Variants in DNMBP observed in about 807,000 individuals in gnomAD.
DNMBP encodes the protein dynamin-binding protein.
DNMBP carries 87 observed loss-of-function variants against 150.0 expected under a neutral mutation model. That is an observed-to-expected ratio of 0.58 (90% CI 0.49 to 0.69). The LOEUF is 0.69. Ranked by LOEUF, DNMBP falls within the 30% of genes least tolerant of loss-of-function variation. The pLI, the probability that DNMBP is intolerant of heterozygous loss-of-function variation, is 0.00. For missense variants in DNMBP, 1,774 were observed against 1,949.0 expected (o/e 0.91, Z 1.69); for synonymous variants, 711 against 750.4 (o/e 0.95, Z 0.86).
intron 8 of DNMBP, 91 bp from the exon 9 acceptor site, chr10:99,898,376 T>C: frequency 9.9e-7 from 1 of 1,010,000 alleles, no homozygotes; most frequent in Non-Finnish European, 1.5e-6. Flanking sequence ...AAAAAAAACT[T>C]TTTTTTAACA....
intron 1 of DNMBP, among the ~76,000 whole-genome samples, chr10:99,994,900 T>C (rs1310651963): frequency 6.6e-6 from 1 of 152,056 alleles, no homozygotes; most frequent in Non-Finnish European, 1.5e-5. Flanking sequence ...CACACCCAAC[T>C]AGGATTATCT....
intron 1 of DNMBP, among the ~76,000 whole-genome samples, chr10:99,992,442 T>C (rs963539833): frequency 2.6e-5 from 4 of 151,916 alleles, no homozygotes; most frequent in African/African-American, 7.3e-5. Context: ...GGTTTAATAA[T>C]AGAACCTGGC....
intron 4 of DNMBP, chr10:99,914,080 C>T (rs756853611): frequency 5.0e-6 from 7 of 1,405,696 alleles, no homozygotes; most frequent in Middle Eastern, 1.8e-4. Flanking sequence ...TCGGCATTTC[C>T]CCCAGGCTTC....
At chr10:99,937,567 C>T (rs2040247395) in intron 4 of DNMBP, among the ~76,000 whole-genome samples, 1 of 152,138 alleles carries the variant, frequency 6.6e-6, no homozygotes, top group Non-Finnish European at 1.5e-5. Flanking sequence ...TCTTAATTTC[C>T]CTCAAACCAA....
chr10:99,904,514 C>T lies in DNMBP; in HGVS notation c.2554+3481G>A, dbSNP rs191489464. On this transcript the variant is annotated intron_variant, in intron 6 of 16. Coordinates refer to ENST00000324109, the MANE Select transcript of DNMBP (RefSeq NM_015221.4). Reference sequence around the variant, plus strand: ...TGGTCTTCTCGGAGCCTTCCCTCATCGGATGTTTCAGACCTCATTTGTTCT... The same window carrying T: ...TGGTCTTCTCGGAGCCTTCCCTCATTGGATGTTTCAGACCTCATTTGTTCT... 3.3e-4 allele frequency among the ~76,000 whole-genome samples: 50 copies of T among 152,222 alleles called. 1 individual carries two copies. The highest frequency in any genetic ancestry group is 9.7e-4 in the East Asian group (5 of 5,168).
intron 4 of DNMBP, among the ~76,000 whole-genome samples, chr10:99,947,721 C>A (rs1243849572): frequency 6.6e-6 from 1 of 152,144 alleles, no homozygotes; most frequent in African/African-American, 2.4e-5. Flanking sequence ...CTGAATCTAA[C>A]ATTTAAAAGT....
intron 4 of DNMBP, among the ~76,000 whole-genome samples, chr10:99,952,019 G>A (rs754384874): frequency 1.6e-4 from 25 of 152,114 alleles, no homozygotes; most frequent in Admixed American, 6.5e-5. Context: ...GAATCATGGG[G>A]GCAGGTCTTT....
chr10:99,947,194 C>T (rs949477050), intron 4 of DNMBP, among the ~76,000 whole-genome samples: 4 of 152,166 alleles, frequency 2.6e-5, no homozygotes, highest in African/African-American at 9.7e-5. Context: ...AACTATCATT[C>T]GACTTAGCAA....
chr10:99,964,368 C>T (rs867363741), intron 3 of DNMBP, among the ~76,000 whole-genome samples: 1 of 151,628 alleles, frequency 6.6e-6, no homozygotes, highest in African/African-American at 2.4e-5. Flanking sequence ...GTGATCCACC[C>T]GCCTCAGCCT....
At chr10:99,924,840 C>A (rs1377633687) in intron 4 of DNMBP, among the ~76,000 whole-genome samples, 1 of 152,216 alleles carries the variant, frequency 6.6e-6, no homozygotes, top group Non-Finnish European at 1.5e-5. Context: ...GCAAAAGTGC[C>A]TTCAAATCAA....
At chr10:99,915,402 A>AT (rs942910381) in intron 4 of DNMBP, among the ~76,000 whole-genome samples, 13 of 119,560 alleles carry the variant, frequency 1.1e-4, no homozygotes, top group African/African-American at 2.8e-4. Flanking sequence ...GAACAAAATA[A>AT]TTAAAAAAAA....
In DNMBP at chr10:99,956,109, G is replaced by A; in HGVS notation, c.1365C>T (p.Asp455=). 1.9e-6 allele frequency: 3 copies of A among 1,614,180 alleles called. No individual in the cohort carries two copies. The Admixed American group carries it at 5.0e-5, about 27-fold the overall frequency. ...DLLPLEARTR[D]YASLPPKRMY... is the part of the protein sequence containing the mutation. Reference sequence around the variant, plus strand: ...TTCTTTTGGGAGGTAGGCTGGCATAGTCTCTAGTCCTTGCTTCTAGGGGAA... The same window carrying A: ...TTCTTTTGGGAGGTAGGCTGGCATAATCTCTAGTCCTTGCTTCTAGGGGAA... Residue 455 remains aspartate (D), a synonymous_variant, in exon 4 of 17, where the codon GAC becomes GAT. Coordinates refer to ENST00000324109, the MANE Select transcript of DNMBP (RefSeq NM_015221.4).
intron 16 of DNMBP, among the ~76,000 whole-genome samples, chr10:99,877,914 G>A (rs982779135): frequency 3.3e-5 from 5 of 152,032 alleles, no homozygotes; most frequent in Non-Finnish European, 7.4e-5. Flanking sequence ...TAGAGGTCAG[G>A]AGTTTCAGAC....
intron 1 of DNMBP, among the ~76,000 whole-genome samples, chr10:99,978,215 T>C (rs1188849205): frequency 3.3e-5 from 5 of 152,204 alleles, no homozygotes; most frequent in Non-Finnish European, 7.4e-5. Flanking sequence ...GCCTGTTTGA[T>C]TCCCATGCCC....
At chr10:99,981,222 C>A (rs2040777283) in intron 1 of DNMBP, among the ~76,000 whole-genome samples, 1 of 152,166 alleles carries the variant, frequency 6.6e-6, no homozygotes, top group Non-Finnish European at 1.5e-5. Context: ...AGCTCTGTTG[C>A]CCAGACTGGA....
intron 10 of DNMBP, 109 bp downstream of exon 10, chr10:99,896,158 G>A: frequency 1.5e-6 from 2 of 1,297,242 alleles, no homozygotes; most frequent in South Asian, 2.9e-5. Flanking sequence ...CGTAAAACCG[G>A]AGGACGTCTG....
rs751949791 is a variant in DNMBP, at chr10:99,880,336, A to G, written c.4023T>C (p.Ser1341=). The change falls in exon 16 of 17, where the codon TCT becomes TCC. Residue 1341 remains serine (S), a synonymous_variant. Coordinates refer to ENST00000324109, the MANE Select transcript of DNMBP (RefSeq NM_015221.4). ...GGCGAGGATTGTAGGGCTTTAGGAA[A>G]GAGCTGTACACGAAGCCTTTGGTGA... ...NGVTKGFVYS[S]FLKPYNPRRS... 2 of 1,602,980 alleles carry G rather than the reference A, an allele frequency of 1.2e-6. No individual in the cohort carries two copies. The highest frequency in any genetic ancestry group is 2.2e-5 in the East Asian group (1 of 44,730).
chr10:99,964,716 C>T (rs563310720), intron 3 of DNMBP, among the ~76,000 whole-genome samples: 162 of 151,350 alleles, frequency 1.1e-3, no homozygotes, highest in Non-Finnish European at 2.2e-4. Flanking sequence ...ACTAAAAATA[C>T]AAAAATTAGT....
intron 1 of DNMBP, among the ~76,000 whole-genome samples, chr10:99,983,980 A>G (rs1209069768): frequency 6.6e-6 from 1 of 152,052 alleles, no homozygotes. Context: ...CACTTCTATA[A>G]ATTTTTTTTG....
Sources: gnomAD v4.1 joint callset for allele counts (sites outside exome capture counted in the v4.1 genomes callset) on GRCh38, gnomAD v4.1.1 for gene constraint, MANE v1.5 for transcripts, NCBI Gene and HGNC (gene_info 2026-07-23, HGNC 2026-07-21) for gene names.